Variants in PCSK5 observed in about 807,000 individuals in gnomAD.
PCSK5 encodes the protein prohormone convertase 5.
PCSK5 carries 129 observed loss-of-function variants against 233.2 expected under a neutral mutation model. The observed-to-expected ratio is 0.55, with a 90% CI of 0.48 to 0.64. The LOEUF (loss-of-function observed/expected upper bound fraction) is 0.64. PCSK5 is among the 30% of genes least tolerant of loss of function. PCSK5 has a pLI of 0.00. For missense variants in PCSK5, 2,076 were observed against 2,430.1 expected (o/e 0.85, Z 3.06); for synonymous variants, 825 against 879.2 (o/e 0.94, Z 1.09).
chr9:76,095,604 A>T (rs7852739), intron 7 of PCSK5, among the ~76,000 whole-genome samples: 100,543 of 152,078 alleles, frequency 0.66, 33,330 homozygotes, highest in East Asian at 0.75. Flanking sequence ...GCCTCACAGG[A>T]TCCTTGAAAG....
intron 1 of PCSK5, among the ~76,000 whole-genome samples, chr9:75,926,653 G>A (rs540101089): frequency 6.6e-6 from 1 of 152,202 alleles, no homozygotes; most frequent in African/African-American, 2.4e-5. Flanking sequence ...TATACAGTAG[G>A]TTTATCTGTC....
intron 3 of PCSK5, among the ~76,000 whole-genome samples, chr9:76,012,952 C>T (rs990273208): frequency 6.6e-6 from 1 of 151,994 alleles, no homozygotes; most frequent in African/African-American, 2.4e-5. Context: ...GGCAAAAATC[C>T]TTTAGAACTG....
intron 4 of PCSK5, 89 bp from the exon 5 acceptor site, chr9:76,026,872 A>G (rs947095525): frequency 4.4e-5 from 37 of 848,762 alleles, no homozygotes; most frequent in Non-Finnish European, 6.0e-5. Flanking sequence ...TCTGGCAGAA[A>G]TGTATTTAAA....
chr9:76,200,691 G>C (rs1351431706), intron 20 of PCSK5, among the ~76,000 whole-genome samples: 1 of 152,208 alleles, frequency 6.6e-6, no homozygotes, highest in Admixed American at 6.5e-5. Context: ...GGATATTCGA[G>C]AGAGAGAACC....
At chr9:76,120,047 T>G (rs1217669197) in intron 9 of PCSK5, among the ~76,000 whole-genome samples, 2 of 152,108 alleles carry the variant, frequency 1.3e-5, no homozygotes, top group African/African-American at 4.8e-5. Context: ...AGTGACAATA[T>G]GCGATGCTGT....
rs1239929186 is a variant in PCSK5 at position 76,362,266 on chromosome 9, G to C, written c.*3344G>C. 1.3e-5 allele frequency: 2 copies of C among 152,282 alleles called. No homozygotes were observed. Among genetic ancestry groups the C allele is most frequent in the African/African-American group, 4.8e-5 (2 of 41,568 alleles). The allele number at this position is 152,282 out of a possible 1,614,324, so 9.4% of individuals were successfully genotyped here. ...TTGTAGACTGGAAACACACCAAAAGGCTGGGTAAAGCATGGGAGGTTCCAG... is the reference window on the plus strand; with the variant it reads ...TTGTAGACTGGAAACACACCAAAAGCCTGGGTAAAGCATGGGAGGTTCCAG... On this transcript the variant is annotated 3_prime_UTR_variant, in exon 38 of 38. Coordinates refer to ENST00000674117, the MANE Select transcript of PCSK5 (RefSeq NM_001372043.1).
intron 2 of PCSK5, among the ~76,000 whole-genome samples, chr9:75,963,802 C>G (rs1301092061): frequency 6.6e-6 from 1 of 152,180 alleles, no homozygotes; most frequent in African/African-American, 2.4e-5. Context: ...TTGCTTGAAC[C>G]CAGGAGGCAA....
chr9:75,914,564 T>C (rs1822898777), intron 1 of PCSK5, among the ~76,000 whole-genome samples: 1 of 152,006 alleles, frequency 6.6e-6, no homozygotes, highest in Non-Finnish European at 1.5e-5. Flanking sequence ...CCCCTCATTG[T>C]AAAAATGAAA....
At chr9:76,256,972 T>G (rs1827003448) in intron 24 of PCSK5, among the ~76,000 whole-genome samples, 1 of 152,222 alleles carries the variant, frequency 6.6e-6, no homozygotes, top group South Asian at 2.1e-4. Flanking sequence ...ACTAGAAAGG[T>G]GCTCATATCT....
intron 10 of PCSK5, among the ~76,000 whole-genome samples, chr9:76,142,842 G>T (rs1823281869): frequency 6.6e-6 from 1 of 152,050 alleles, no homozygotes; most frequent in African/African-American, 2.4e-5. Flanking sequence ...CTTCTTTGTA[G>T]TCTGTTTTCT....
At chr9:75,996,214 A>G (rs2131415982) in intron 3 of PCSK5, among the ~76,000 whole-genome samples, 1 of 152,356 alleles carries the variant, frequency 6.6e-6, no homozygotes, top group Non-Finnish European at 1.5e-5. Flanking sequence ...CAACTGAATT[A>G]AAGTTCCTAT....
At chr9:75,931,176 G>T (rs1823774851) in intron 1 of PCSK5, among the ~76,000 whole-genome samples, 1 of 151,878 alleles carries the variant, frequency 6.6e-6, no homozygotes, top group South Asian at 2.1e-4. Context: ...GTGGGATGGT[G>T]GTTGAGAACG....
intron 20 of PCSK5, among the ~76,000 whole-genome samples, chr9:76,216,163 T>C (rs1431054063): frequency 3.9e-5 from 6 of 152,058 alleles, no homozygotes. Context: ...AGGACTAGGC[T>C]GAGAAGGCAA....
chr9:76,082,745 A>T (rs1830895264), intron 7 of PCSK5, among the ~76,000 whole-genome samples: 1 of 152,012 alleles, frequency 6.6e-6, no homozygotes, highest in South Asian at 2.1e-4. Context: ...CACTTGTTGC[A>T]ATCGATATTC....
chr9:76,016,825 G>A (rs760421270), intron 3 of PCSK5, among the ~76,000 whole-genome samples: 6 of 152,178 alleles, frequency 3.9e-5, no homozygotes, highest in Admixed American at 2.6e-4. Flanking sequence ...AGACCATCCA[G>A]TTATACTTTG....
rs1010710291 is a variant in PCSK5 at position 76,359,578 on chromosome 9, C to T, written c.*656C>T. 3 of 152,122 alleles carry T rather than the reference C, an allele frequency of 2.0e-5. No homozygotes were observed. The highest frequency in any genetic ancestry group is 7.2e-5 in the African/African-American group (3 of 41,390). The allele number at this position is 152,122 out of a possible 1,614,324, so 9.4% of individuals were successfully genotyped here. ...CATAGCTGAGGAGCCATGAGGTCAC[C>T]CCAGGCCCTAGTTCCTCCGCAGGAA... On this transcript the variant is annotated 3_prime_UTR_variant, in exon 38 of 38. Transcript: ENST00000674117.
At chr9:76,354,410 C>T (rs1830246481) in intron 37 of PCSK5, among the ~76,000 whole-genome samples, 191 bp downstream of exon 37, 1 of 152,206 alleles carries the variant, frequency 6.6e-6, no homozygotes, top group South Asian at 2.1e-4. Flanking sequence ...GATTATCAGT[C>T]CCATTTTACA....
intron 1 of PCSK5, among the ~76,000 whole-genome samples, chr9:75,903,296 T>A (rs868131070): frequency 6.6e-6 from 1 of 152,194 alleles, no homozygotes; most frequent in Middle Eastern, 3.4e-3. Context: ...AATAGATTAA[T>A]CTTGTTTACA....
chr9:76,012,157 C>T (rs568504000), intron 3 of PCSK5, among the ~76,000 whole-genome samples: 3 of 152,240 alleles, frequency 2.0e-5, no homozygotes, highest in South Asian at 2.1e-4. Context: ...ATACATGTTT[C>T]GACAGTTTAC....
Sources: allele counts gnomAD v4.1 joint callset (sites outside exome capture counted in the v4.1 genomes callset), GRCh38; gene constraint gnomAD v4.1.1; transcripts MANE v1.5; gene names NCBI Gene and HGNC (gene_info 2026-07-23, HGNC 2026-07-21).